The following SPAG16 variants were observed in gnomAD, a reference collection of about 807,000 sequenced individuals.
The protein encoded by SPAG16 is sperm-associated antigen 16 protein.
A neutral mutation model predicts 80.4 loss-of-function variants in SPAG16; 86 were observed. The observed-to-expected ratio is 1.07, with a 90% CI of 0.90 to 1.28. SPAG16 has a LOEUF of 1.28. Among genes scored for constraint, SPAG16 ranks in the 50% most tolerant of loss-of-function variants. The pLI is 0.00. For missense variants in SPAG16, 870 were observed against 765.3 expected (o/e 1.14, Z -1.61); for synonymous variants, 294 against 265.9 (o/e 1.11, Z -1.03).
At chr2:214,154,804 C>A (rs1052820108) in intron 15 of SPAG16, among the ~76,000 whole-genome samples, 1 of 152,052 alleles carries the variant, frequency 6.6e-6, no homozygotes, top group Non-Finnish European at 1.5e-5. Context: ...TCTGTAGGGA[C>A]TTCTACTACC....
chr2:213,310,459 A>G (rs1169260430), intron 4 of SPAG16, among the ~76,000 whole-genome samples: 1 of 151,934 alleles, frequency 6.6e-6, no homozygotes, highest in Non-Finnish European at 1.5e-5. Context: ...AAATCAAGAC[A>G]CTTGAATATC....
intron 9 of SPAG16, among the ~76,000 whole-genome samples, chr2:213,488,606 C>T (rs1261815840): frequency 6.6e-6 from 1 of 151,718 alleles, no homozygotes; most frequent in Non-Finnish European, 1.5e-5. Flanking sequence ...GACAATAGAG[C>T]GTGCTTCCAA....
intron 15 of SPAG16, among the ~76,000 whole-genome samples, chr2:214,346,575 C>A (rs2126040548): frequency 6.6e-6 from 1 of 152,132 alleles, no homozygotes; most frequent in Admixed American, 6.6e-5. Context: ...CTTGTGATTT[C>A]AATAATAGAA....
intron 9 of SPAG16, among the ~76,000 whole-genome samples, chr2:213,444,880 A>G (rs1422906667): frequency 6.6e-6 from 1 of 152,216 alleles, no homozygotes; most frequent in Non-Finnish European, 1.5e-5. Context: ...TGGTACTGGC[A>G]TAAAAATAGA....
chr2:213,719,168 A>G (rs1322771914), intron 10 of SPAG16, among the ~76,000 whole-genome samples: 1 of 152,074 alleles, frequency 6.6e-6, no homozygotes, highest in East Asian at 1.9e-4. Context: ...TTGTAAATAC[A>G]CCAATCAGCA....
rs371342144 is a variant in SPAG16 at position 214,269,226 on chromosome 2, AGAAAT to A, written c.1720+119963_1720+119967del. ...ATTGCCTAAGGTTGTCTTTCTGAAA[AGAAAT>A]GACGTTTAAAAATTTTTGTTTTAAA... On this transcript the variant is annotated intron_variant, in intron 15 of 15. Transcript: ENST00000331683. 2.5e-3 allele frequency among the ~76,000 whole-genome samples: 385 copies of A among 152,162 alleles called. 2 individuals carry two copies. Among genetic ancestry groups the A allele is most frequent in the African/African-American group, 8.1e-3 (338 of 41,568 alleles).
chr2:214,341,864 T>A (rs567253506), intron 15 of SPAG16, among the ~76,000 whole-genome samples: 9 of 152,218 alleles, frequency 5.9e-5, no homozygotes, highest in Middle Eastern at 3.4e-3. Context: ...AATGAAGAAA[T>A]CTTCTAGATT....
chr2:213,583,139 G>A (rs1008549292), intron 10 of SPAG16, among the ~76,000 whole-genome samples: 1 of 152,108 alleles, frequency 6.6e-6, no homozygotes, highest in East Asian at 1.9e-4. Flanking sequence ...AGTATATATA[G>A]TATATTGATG....
intron 10 of SPAG16, among the ~76,000 whole-genome samples, chr2:213,626,295 G>C (rs2061958778): frequency 6.6e-6 from 1 of 152,008 alleles, no homozygotes; most frequent in East Asian, 1.9e-4. Flanking sequence ...GATAACAAGA[G>C]ATGGACATCA....
intron 10 of SPAG16, among the ~76,000 whole-genome samples, chr2:213,641,759 A>G (rs7578956): frequency 0.013 from 2,019 of 152,318 alleles, 22 homozygotes; most frequent in Middle Eastern, 0.034. Context: ...TCACACTGCT[A>G]TAAAGATACT....
At chr2:213,921,471 T>G (rs1211838446) in intron 11 of SPAG16, among the ~76,000 whole-genome samples, 1 of 152,232 alleles carries the variant, frequency 6.6e-6, no homozygotes, top group African/African-American at 2.4e-5. Flanking sequence ...CTATTGGGTC[T>G]TCCTTCTTTG....
intron 10 of SPAG16, among the ~76,000 whole-genome samples, chr2:213,750,086 A>G (rs946247629): frequency 1.3e-5 from 2 of 152,338 alleles, no homozygotes; most frequent in African/African-American, 4.8e-5. Context: ...TGGAAATAAT[A>G]ACTATGTCGA....
intron 10 of SPAG16, among the ~76,000 whole-genome samples, chr2:213,576,590 T>C (rs1212753765): frequency 6.6e-6 from 1 of 152,042 alleles, no homozygotes; most frequent in Non-Finnish European, 1.5e-5. Flanking sequence ...CCATCAATGA[T>C]AGACTGGATA....
intron 1 of SPAG16, among the ~76,000 whole-genome samples, chr2:213,285,328 A>T (rs973445203): frequency 2.6e-5 from 4 of 152,180 alleles, no homozygotes; most frequent in African/African-American, 7.2e-5. Context: ...ATGTGTGGAT[A>T]ATTAGGTCCA....
At chr2:214,266,356 G>T (rs1183069465) in intron 15 of SPAG16, among the ~76,000 whole-genome samples, 1 of 151,878 alleles carries the variant, frequency 6.6e-6, no homozygotes, top group Non-Finnish European at 1.5e-5. Flanking sequence ...TTGCATGGAA[G>T]TTTTTCAAGT....
intron 15 of SPAG16, among the ~76,000 whole-genome samples, chr2:214,310,003 T>G (rs1695173601): frequency 6.6e-6 from 1 of 152,196 alleles, no homozygotes; most frequent in South Asian, 2.1e-4. Flanking sequence ...ATAGTCTATA[T>G]TTCTAATTTT....
intron 13 of SPAG16, among the ~76,000 whole-genome samples, chr2:214,039,029 A>G (rs2048862705): frequency 6.6e-6 from 1 of 152,184 alleles, no homozygotes; most frequent in Non-Finnish European, 1.5e-5. Context: ...TTATAGCAGC[A>G]TGATTTATAA....
chr2:214,074,070 T>C (rs2050941414), intron 13 of SPAG16, among the ~76,000 whole-genome samples: 1 of 152,142 alleles, frequency 6.6e-6, no homozygotes, highest in Non-Finnish European at 1.5e-5. Context: ...CAAATCATAT[T>C]AGTGCCCTTA....
At chr2:213,719,055 C>A (rs1261012485) in intron 10 of SPAG16, among the ~76,000 whole-genome samples, 2 of 152,030 alleles carry the variant, frequency 1.3e-5, no homozygotes, top group Non-Finnish European at 2.9e-5. Flanking sequence ...GTGCACCAGG[C>A]GACACTCGGT....
Sources: gnomAD v4.1 joint callset for allele counts (sites outside exome capture counted in the v4.1 genomes callset) on GRCh38, gnomAD v4.1.1 for gene constraint, MANE v1.5 for transcripts, NCBI Gene and HGNC (gene_info 2026-07-23, HGNC 2026-07-21) for gene names.